NTNG1: variants seen among roughly 807,000 people sequenced by gnomAD.
NTNG1 encodes the protein netrin-G1.
NTNG1 carries 16 observed loss-of-function variants against 54.0 expected under a neutral mutation model. The ratio of observed to expected loss-of-function variants is 0.30; its 90% CI spans 0.20 to 0.45. The LOEUF is 0.45. Among genes scored for constraint, NTNG1 ranks in the 20% least tolerant of loss-of-function variants. The probability of loss-of-function intolerance (pLI) is 1.00; values close to 1 mark genes in which losing one functional copy is unlikely to be tolerated. For missense variants in NTNG1, 530 were observed against 678.7 expected (o/e 0.78, Z 2.43); for synonymous variants, 255 against 263.1 (o/e 0.97, Z 0.30).
intron 2 of NTNG1, among the ~76,000 whole-genome samples, chr1:107,158,366 A>G (rs1323919047): frequency 1.3e-5 from 2 of 152,202 alleles, no homozygotes; most frequent in East Asian, 3.9e-4. Context: ...AGATTCATAT[A>G]GTATCTATTC....
chr1:107,344,215 G>A (rs1282526448), intron 3 of NTNG1, among the ~76,000 whole-genome samples: 1 of 152,116 alleles, frequency 6.6e-6, no homozygotes, highest in East Asian at 1.9e-4. Context: ...TAATGCTTAT[G>A]TTTGGAAACA....
intron 2 of NTNG1, among the ~76,000 whole-genome samples, chr1:107,302,054 C>T (rs534216095): frequency 1.3e-5 from 2 of 152,252 alleles, no homozygotes; most frequent in East Asian, 3.9e-4. Flanking sequence ...TATTACAAAC[C>T]TTTCATCTCA....
chr1:107,285,802 T>C (rs1415948556), intron 2 of NTNG1, among the ~76,000 whole-genome samples: 3 of 152,082 alleles, frequency 2.0e-5, no homozygotes, highest in Admixed American at 6.6e-5. Context: ...CCACAAATAA[T>C]GCAGACAATC....
At chr1:107,242,752 C>T (rs1661929525) in intron 2 of NTNG1, among the ~76,000 whole-genome samples, 1 of 152,172 alleles carries the variant, frequency 6.6e-6, no homozygotes, top group African/African-American at 2.4e-5. Flanking sequence ...CGACCACCTC[C>T]TCTCCCTAAT....
intron 2 of NTNG1, among the ~76,000 whole-genome samples, chr1:107,273,925 T>C (rs1469928530): frequency 1.4e-5 from 2 of 145,180 alleles, no homozygotes; most frequent in African/African-American, 5.1e-5. Flanking sequence ...TCTGAATTAC[T>C]GAAGTGATTT....
chr1:107,380,232 C>T (rs1207441224), intron 3 of NTNG1, among the ~76,000 whole-genome samples: 1 of 152,082 alleles, frequency 6.6e-6, no homozygotes, highest in Non-Finnish European at 1.5e-5. Context: ...CCTGTTAAAG[C>T]CATAGCAGAA....
chr1:107,462,885 C>T (rs1677364847), intron 7 of NTNG1, among the ~76,000 whole-genome samples: 1 of 152,162 alleles, frequency 6.6e-6, no homozygotes, highest in African/African-American at 2.4e-5. Flanking sequence ...AGCCAAGGCT[C>T]AGGGAGGTCA....
intron 2 of NTNG1, among the ~76,000 whole-genome samples, chr1:107,277,174 A>T (rs1664535485): frequency 6.6e-6 from 1 of 152,224 alleles, no homozygotes; most frequent in South Asian, 2.1e-4. Context: ...ATCTCTCAGG[A>T]AGTGGCTGCG....
intron 2 of NTNG1, among the ~76,000 whole-genome samples, chr1:107,183,265 C>A (rs1279245536): frequency 6.6e-6 from 1 of 152,110 alleles, no homozygotes; most frequent in Admixed American, 6.6e-5. Flanking sequence ...CTGTATCTGG[C>A]ACACTGATCT....
intron 4 of NTNG1, among the ~76,000 whole-genome samples, chr1:107,402,341 G>A (rs1570880108): frequency 6.6e-6 from 1 of 152,160 alleles, no homozygotes; most frequent in East Asian, 1.9e-4. Flanking sequence ...GACACTGAAG[G>A]TCTGAAAGTT....
chr1:107,152,017 CATACAT>C (rs1654606724), intron 2 of NTNG1, among the ~76,000 whole-genome samples: 1 of 151,220 alleles, frequency 6.6e-6, no homozygotes, highest in South Asian at 2.1e-4. Context: ...TATACACACA[CATACAT>C]ATATATATAC....
At chr1:107,189,918 A>G in intron 2 of NTNG1, among the ~76,000 whole-genome samples, 1 of 152,124 alleles carries the variant, frequency 6.6e-6, no homozygotes, top group Non-Finnish European at 1.5e-5. Context: ...GAATAGCCCA[A>G]ATATCCATTG....
rs112350847 is a variant in NTNG1 at position 107,382,319 on chromosome 1, C to A, written c.888-12835C>A. Reference sequence around the variant, plus strand: ...CTTTAAATTTCAAAGAAATTAGCCCCAGAAAGCCAGCCCAGCCCAACTAGT... The same window carrying A: ...CTTTAAATTTCAAAGAAATTAGCCCAAGAAAGCCAGCCCAGCCCAACTAGT... On this transcript the variant is annotated intron_variant, in intron 3 of 7. Coordinates refer to ENST00000370068, the MANE Select transcript of NTNG1 (RefSeq NM_001113226.3). Among the ~76,000 whole-genome samples, 583 of 152,268 alleles carry A rather than the reference C, an allele frequency of 3.8e-3. 1 individual carries two copies. Among genetic ancestry groups the A allele is most frequent in the African/African-American group, 0.013 (547 of 41,548 alleles).
Position 107,476,250 on chromosome 1 carries a change from G to T in NTNG1, c.1391-4361G>T, listed in dbSNP as rs572216109. On this transcript the variant is annotated intron_variant, in intron 7 of 7. Transcript: ENST00000370068. Reference sequence around the variant, plus strand: ...CCTTTATGGTCTTTCTCTTCCAATGGCCTAAATGCTGATGTTCTTCAGTTT... The same window carrying T: ...CCTTTATGGTCTTTCTCTTCCAATGTCCTAAATGCTGATGTTCTTCAGTTT... Among the ~76,000 whole-genome samples the T allele has an allele frequency of 2.6e-5, 4 of 152,046 alleles. No homozygotes were observed. In the South Asian group the frequency reaches 8.3e-4, roughly 32 times the overall value.
intron 5 of NTNG1, chr1:107,408,043 C>T (rs1673562479): frequency 2.3e-6 from 1 of 433,090 alleles, no homozygotes; most frequent in Admixed American, 3.2e-5. Context: ...TAGCAACCAA[C>T]AAACAAATTG....
chr1:107,414,179 C>G (rs1674037827), intron 5 of NTNG1, among the ~76,000 whole-genome samples: 1 of 152,152 alleles, frequency 6.6e-6, no homozygotes, highest in Non-Finnish European at 1.5e-5. Flanking sequence ...TTTAGCAATT[C>G]TATCATAGTT....
intron 3 of NTNG1, among the ~76,000 whole-genome samples, chr1:107,370,282 A>T (rs1224293699): frequency 6.7e-6 from 1 of 150,220 alleles, no homozygotes; most frequent in Admixed American, 6.6e-5. Flanking sequence ...TCTCCAAAGG[A>T]GAGGATTACT....
intron 2 of NTNG1, among the ~76,000 whole-genome samples, chr1:107,200,224 C>T (rs1658639218): frequency 6.6e-6 from 1 of 151,764 alleles, no homozygotes; most frequent in Non-Finnish European, 1.5e-5. Flanking sequence ...CATTCATAAA[C>T]ATTCTTTTGG....
intron 7 of NTNG1, among the ~76,000 whole-genome samples, chr1:107,441,260 G>A (rs532055911): frequency 1.6e-4 from 24 of 152,180 alleles, no homozygotes; most frequent in African/African-American, 5.3e-4. Flanking sequence ...GGTAGAAATA[G>A]CCACTTGTAG....
Sources: gnomAD v4.1 joint callset for allele counts (sites outside exome capture counted in the v4.1 genomes callset) on GRCh38, gnomAD v4.1.1 for gene constraint, MANE v1.5 for transcripts, NCBI Gene and HGNC (gene_info 2026-07-23, HGNC 2026-07-21) for gene names.